Variants in ALOX15B observed in about 807,000 individuals in gnomAD.
ALOX15B encodes arachidonate 15-lipoxygenase type B.
ALOX15B carries 74 observed loss-of-function variants against 73.8 expected under a neutral mutation model. That is an observed-to-expected ratio of 1.00 (90% confidence interval 0.83 to 1.22). The LOEUF is 1.22. ALOX15B is among the 50% of genes most tolerant of loss of function. ALOX15B has a pLI of 0.00. For missense variants in ALOX15B, 896 were observed against 859.9 expected, an observed-to-expected ratio of 1.04 and a Z score of -0.52; for synonymous variants, 353 against 357.2, an observed-to-expected ratio of 0.99 and a Z score of 0.13.
At chr17:8,041,550 C>T (rs1976464251) in intron 3 of ALOX15B, among the ~76,000 whole-genome samples, 3 of 152,326 alleles carry the variant, frequency 2.0e-5, no homozygotes, top group Admixed American at 6.5e-5. Flanking sequence ...AAGGGTTTGG[C>T]CACCACCTGG....
At chr17:8,041,321 G>T (rs112781446) in intron 3 of ALOX15B, among the ~76,000 whole-genome samples, 3 of 152,202 alleles carry the variant, frequency 2.0e-5, no homozygotes, top group Non-Finnish European at 4.4e-5. Context: ...ATGAGAAAAT[G>T]GTTAAGAATG....
intron 3 of ALOX15B, 61 bp downstream of exon 3, chr17:8,040,044 T>A: frequency 6.6e-7 from 1 of 1,526,692 alleles, no homozygotes; most frequent in South Asian, 1.2e-5. Context: ...AGCTTGAGTG[T>A]CCTGGTCATG....
intron 5 of ALOX15B, among the ~76,000 whole-genome samples, chr17:8,044,105 G>GGAAGGAAGGAAGGAAGGAAGGA (rs1555638987): frequency 1.6e-5 from 1 of 62,320 alleles, no homozygotes; most frequent in Non-Finnish European, 3.1e-5. Flanking sequence ...GAGAGAGAGA[G>GGAAGGAAGGAAGGAAGGAAGGA]AGGAAGGAAG....
chr17:8,039,160 C>T lies in ALOX15B; in HGVS notation c.5C>T (p.Ala2Val), dbSNP rs1381954817. 2 of 1,612,808 alleles carry T rather than the reference C, an allele frequency of 1.2e-6. No individual in the cohort carries two copies. The highest frequency in any genetic ancestry group is 1.7e-6 in the Non-Finnish European group (2 of 1,179,562). The change falls in exon 1 of 14, where the codon GCC becomes GTC. Residue 2 changes from alanine to valine, a missense_variant. Ala to Val is a moderately conservative substitution (Grantham distance 64). Transcript: ENST00000380183. The part of the protein sequence containing the change: M[A>V]EFRVRVSTGE... ...AGCTGGACTTAGGCTGGCAGCATGG[C>T]CGAGTTCAGGGTCAGGGTGTCCACC...
At position 8,044,942 on chromosome 17, in the gene ALOX15B, ACT is replaced by A; in HGVS notation, c.791_792del (p.Thr264ArgfsTer17). 5 of 1,614,028 alleles carry A rather than the reference ACT, an allele frequency of 3.1e-6. No homozygotes were observed. The highest frequency in any genetic ancestry group is 4.2e-6 in the Non-Finnish European group (5 of 1,179,994). ...CHYLPKNFPVTDAMVASVLGP... is the reference protein window; with the variant it reads ...CHYLPKNFPVXDAMVASVLGP... Reference sequence around the variant, plus strand: ...CTACCTCCCAAAGAACTTCCCCGTCACTGATGCCATGGTGGCCTCAGTGTTGG... The same window carrying A: ...CTACCTCCCAAAGAACTTCCCCGTCAGATGCCATGGTGGCCTCAGTGTTGG... On this transcript the variant is annotated frameshift_variant, in exon 6 of 14. Transcript: ENST00000380183. LOFTEE classifies it high-confidence loss of function.
At chr17:8,047,722 C>T (rs1246106966) in intron 12 of ALOX15B, 23 bp from the exon 13 acceptor site, 1 of 1,614,070 alleles carries the variant, frequency 6.2e-7, no homozygotes, top group Non-Finnish European at 8.5e-7. Flanking sequence ...TCCTCAGCCT[C>T]ATTCTGCCCT....
At position 8,048,544 on chromosome 17, in the gene ALOX15B, C is replaced by G. The variant is rs569202952; in HGVS notation, c.2010C>G (p.Ile670Met). ...ACACCTACCTAGACCCTCCCCTCAT[C>G]GAGAACAGCGTCTCCATCTAAATCC... ...LPYTYLDPPL[I>M]ENSVSI The change falls in exon 14 of 14, where the codon ATC (isoleucine) becomes ATG (methionine). Residue 670 changes from isoleucine to methionine, a missense_variant. Physicochemically the swap from Ile to Met is conservative, Grantham distance 10. Transcript: ENST00000380183. 2.6e-5 allele frequency: 42 copies of G among 1,613,776 alleles called. No individual in the cohort carries two copies. In the East Asian group the frequency reaches 8.9e-4, roughly 34 times the overall value.
chr17:8,039,281 C>CA lies in ALOX15B; in HGVS notation c.128dup (p.Glu44GlyfsTer7). 3.1e-6 allele frequency: 5 copies of CA among 1,588,080 alleles called. No individual in the cohort carries two copies. Among genetic ancestry groups the CA allele is most frequent in the Non-Finnish European group, 4.3e-6 (5 of 1,165,994 alleles). ...CCCCACTGCCCCTGGACAATCTCGG[C>CA]AAGGAGTTCACTGCGGGCGCTGTGA... On this transcript the variant is annotated frameshift_variant, in exon 1 of 14. Transcript: ENST00000380183. LOFTEE classifies it high-confidence loss of function.
intron 10 of ALOX15B, 62 bp downstream of exon 10, chr17:8,047,138 A>AC: frequency 1.2e-6 from 2 of 1,609,346 alleles, no homozygotes; most frequent in South Asian, 2.2e-5. Flanking sequence ...AGGAAAGGAG[A>AC]CTGAGGCCCC....
chr17:8,048,668 G>A lies in ALOX15B; in HGVS notation c.*103G>A. 1.5e-6 allele frequency: 2 copies of A among 1,339,060 alleles called. No individual in the cohort carries two copies. The highest frequency in any genetic ancestry group is 2.4e-5 in the East Asian group (1 of 41,514). The allele number at this position is 1,339,060 out of a possible 1,614,324, so 82.9% of individuals were successfully genotyped here. ...CTCCTCAGAAAAAACAGGCCCCCATGTGCCTCTCCTGGGACAACCAGACTC... is the reference window on the plus strand; with the variant it reads ...CTCCTCAGAAAAAACAGGCCCCCATATGCCTCTCCTGGGACAACCAGACTC... On this transcript the variant is annotated 3_prime_UTR_variant, in exon 14 of 14. Transcript: ENST00000380183.
chr17:8,040,604 A>AG lies in ALOX15B; in HGVS notation c.449+621_449+622insG, dbSNP rs1491290336. Among the ~76,000 whole-genome samples, 12 of 104,694 alleles carry AG rather than the reference A, an allele frequency of 1.1e-4. No homozygotes were observed. The South Asian group carries it at 3.4e-3, about 29-fold the overall frequency. The allele number at this position is 104,694 out of a possible 152,430, so 68.7% of individuals were successfully genotyped here. A position where few individuals can be genotyped will look rare whatever the true frequency, so the allele number is the denominator to read the frequency against. On this transcript the variant is annotated intron_variant, in intron 3 of 13. Transcript: ENST00000380183. ...AGGAAAGAGAGAAAGAAAGAGAGAG[A>AG]AAGAAAGAAAGAAAGAAAGAAAGAA...
rs77817723 is a variant in ALOX15B at position 8,042,585 on chromosome 17, A to G, written c.572+94A>G. On this transcript the variant is annotated intron_variant, in intron 4 of 13. Coordinates refer to ENST00000380183, the MANE Select transcript of ALOX15B (RefSeq NM_001141.3). ...CTAGTCAGTTCCCCCACCCTCAGTG[A>G]TATGAGTCACATAGTCCTGCCCAGG... 12,622 of 1,524,766 alleles carry G rather than the reference A, an allele frequency of 8.3e-3. 86 individuals carry two copies. Among genetic ancestry groups the G allele is most frequent in the Non-Finnish European group, 0.01 (11,484 of 1,116,746 alleles). 94.5% of individuals were successfully genotyped at this position (1,524,766 alleles called of 1,614,324 possible). A position where few individuals can be genotyped will look rare whatever the true frequency, so the allele number is the denominator to read the frequency against.
chr17:8,046,571 T>C, intron 8 of ALOX15B, 97 bp from the exon 9 acceptor site: 1 of 1,305,266 alleles, frequency 7.7e-7, no homozygotes, highest in Non-Finnish European at 1.1e-6. Flanking sequence ...TGTTGCCTCT[T>C]TCCAAGTGAC....
Position 8,044,919 on chromosome 17 carries a change from A to G in ALOX15B, c.767A>G (p.Tyr256Cys), listed in dbSNP as rs2151813856. ...CCTGTCCTGATCCGCCGCTGTCACT[A>G]CCTCCCAAAGAACTTCCCCGTCACT... ...LNPVLIRRCH[Y>C]LPKNFPVTDA... is the part of the protein sequence containing the mutation. Residue 256 changes from tyrosine to cysteine, a missense_variant, in exon 6 of 14, where the codon TAC becomes TGC. By Grantham distance (194) the Tyr-to-Cys change is radical. Coordinates refer to ENST00000380183, the MANE Select transcript of ALOX15B (RefSeq NM_001141.3). 6 of 1,613,732 alleles carry G rather than the reference A, an allele frequency of 3.7e-6. No homozygotes were observed. The highest frequency in any genetic ancestry group is 1.1e-5 in the South Asian group (1 of 91,054).
chr17:8,043,713 G>A (rs561959919), intron 5 of ALOX15B, among the ~76,000 whole-genome samples: 2 of 152,254 alleles, frequency 1.3e-5, no homozygotes, highest in Admixed American at 6.5e-5. Flanking sequence ...TGGGTGGACC[G>A]AGAGGTACTC....
intron 4 of ALOX15B, 121 bp from the exon 5 acceptor site, chr17:8,042,660 G>C: frequency 7.6e-7 from 1 of 1,318,542 alleles, no homozygotes; most frequent in Non-Finnish European, 1.1e-6. Context: ...GCTACCTTAG[G>C]GGTAGTGACT....
rs1381734562 is a variant in ALOX15B, at chr17:8,039,902, C to A, written c.368C>A (p.Ala123Asp). The change falls in exon 3 of 14, where the codon GCC (alanine) becomes GAC (aspartate). Residue 123 changes from alanine (A) to aspartate (D), a missense_variant and splice_region_variant. By Grantham distance (126) the Ala-to-Asp change is moderately radical. Transcript: ENST00000380183. ...AGTLVLQEGT[A>D]KVSWADHHPV... ...CCAACCTACTCCCCTTCTCCCACAG[C>A]CAAGGTGTCCTGGGCAGACCACCAC... is the stretch of plus-strand genomic sequence containing the variant. The A allele has an allele frequency of 5.6e-6, 9 of 1,611,638 alleles. No homozygotes were observed. Among genetic ancestry groups the A allele is most frequent in the Non-Finnish European group, 7.6e-6 (9 of 1,178,694 alleles).
intron 9 of ALOX15B, 74 bp downstream of exon 9, chr17:8,046,828 G>T (rs1567972839): frequency 6.2e-7 from 1 of 1,611,766 alleles, no homozygotes; most frequent in East Asian, 2.2e-5. Flanking sequence ...TGGGGTAGGA[G>T]TGGCCCATCT....
In ALOX15B at chr17:8,039,525, C is replaced by T. The variant is rs1598160412; in HGVS notation, c.287C>T (p.Pro96Leu). ...TTCTGCCGCTGGTTCCAGCTGACAC[C>T]GCCGCGGGGCGGCCACCTCCTCTTC... ...AWFCRWFQLT[P>L]PRGGHLLFPC... is the part of the protein sequence containing the mutation. The change falls in exon 2 of 14, where the codon CCG becomes CTG. Residue 96 changes from proline to leucine, a missense_variant. Physicochemically the swap from Pro to Leu is moderately conservative, Grantham distance 98. Transcript: ENST00000380183. 1.9e-6 allele frequency: 3 copies of T among 1,551,588 alleles called. No homozygotes were observed. Among genetic ancestry groups the T allele is most frequent in the Non-Finnish European group, 2.6e-6 (3 of 1,152,136 alleles).
Sources: allele counts gnomAD v4.1 joint callset (sites outside exome capture counted in the v4.1 genomes callset), GRCh38; gene constraint gnomAD v4.1.1; transcripts MANE v1.5; gene names NCBI Gene and HGNC (gene_info 2026-07-23, HGNC 2026-07-21).